RRP1B: variants seen among roughly 807,000 people sequenced by gnomAD.
RRP1B encodes the protein ribosomal RNA processing 1B.
A neutral mutation model predicts 80.2 loss-of-function variants in RRP1B; 56 were observed. The observed-to-expected ratio is 0.70, with a 90% CI of 0.56 to 0.87. The LOEUF (loss-of-function observed/expected upper bound fraction) is 0.87, where lower values mean the gene tolerates loss of function less well. RRP1B is among the 40% of genes least tolerant of loss of function. The pLI is 0.00. For synonymous variants in RRP1B, 351 were observed against 357.6 expected (o/e 0.98, Z 0.21); for missense variants, 807 against 939.8 (o/e 0.86, Z 1.85).
At chr21:43,674,068 G>A in intron 4 of RRP1B, 113 bp downstream of exon 4, 1 of 763,856 alleles carries the variant, frequency 1.3e-6, no homozygotes, top group Non-Finnish European at 2.1e-6. Flanking sequence ...GGCTTAGTGT[G>A]AAGGAAGAAT....
intron 2 of RRP1B, 51 bp from the exon 3 acceptor site, chr21:43,672,257 C>T (rs1384435119): frequency 6.4e-7 from 1 of 1,552,748 alleles, no homozygotes; most frequent in African/African-American, 1.4e-5. Flanking sequence ...ACAGGCATCT[C>T]ATGTTGCCCC....
intron 7 of RRP1B, 93 bp from the exon 8 acceptor site, chr21:43,676,640 C>T: frequency 1.7e-6 from 2 of 1,203,828 alleles, no homozygotes; most frequent in Non-Finnish European, 2.4e-6. Context: ...CAGACCACAG[C>T]AACGTGTGCA....
intron 4 of RRP1B, 26 bp from the exon 5 acceptor site, chr21:43,674,610 T>TTTA (rs765114988): frequency 1.4e-6 from 2 of 1,455,276 alleles, no homozygotes; most frequent in Non-Finnish European, 1.9e-6. Flanking sequence ...TTTTTTTTTT[T>TTTA]TTAAACAAAA....
chr21:43,688,350 G>C, intron 13 of RRP1B, 110 bp downstream of exon 13: 1 of 1,307,880 alleles, frequency 7.6e-7, no homozygotes, highest in South Asian at 1.5e-5. Flanking sequence ...CAGGCCTCTG[G>C]ACTCAGCAGC....
At chr21:43,680,114 T>C (rs2083037470) in intron 8 of RRP1B, among the ~76,000 whole-genome samples, 1 of 152,196 alleles carries the variant, frequency 6.6e-6, no homozygotes, top group Non-Finnish European at 1.5e-5. Context: ...GTTTTCTAGG[T>C]ATATGATTGT....
At chr21:43,685,652 A>T in intron 10 of RRP1B, 118 bp from the exon 11 acceptor site, 3 of 718,620 alleles carry the variant, frequency 4.2e-6, no homozygotes, top group Non-Finnish European at 4.0e-6. Flanking sequence ...ATTAACAACT[A>T]TTTAACTATG....
chr21:43,688,165 G>C lies in RRP1B; in HGVS notation c.1791G>C (p.Lys597Asn). 1.3e-6 allele frequency: 2 copies of C among 1,576,794 alleles called. No individual in the cohort carries two copies. Among genetic ancestry groups the C allele is most frequent in the African/African-American group, 1.3e-5 (1 of 74,294 alleles). The stretch of plus-strand genomic sequence containing the variant: ...AAACAGCAAGTTTGAAAAAGAGGAA[G>C]AAAATGAGAGTGATGTCAAACTTGG... ...SQKTASLKKRKKMRVMSNLVE... is the reference protein window; with the variant it reads ...SQKTASLKKRNKMRVMSNLVE... The change falls in exon 13 of 16, where the codon AAG becomes AAC. Residue 597 changes from lysine (K) to asparagine (N), a missense_variant. Lys to Asn is a moderately conservative substitution (Grantham distance 94, BLOSUM62 0). Coordinates refer to ENST00000340648, the MANE Select transcript of RRP1B (RefSeq NM_015056.3).
At chr21:43,670,751 G>A (rs1027723093) in intron 2 of RRP1B, among the ~76,000 whole-genome samples, 1 of 152,028 alleles carries the variant, frequency 6.6e-6, no homozygotes, top group African/African-American at 2.4e-5. Context: ...TTCTTCCAGT[G>A]TGACCCAGGG....
Position 43,669,968 on chromosome 21 carries a change from T to C in RRP1B, c.213+2T>C. 6.3e-7 allele frequency: 1 copy of C among 1,596,282 alleles called. No individual in the cohort carries two copies. Among genetic ancestry groups the C allele is most frequent in the Non-Finnish European group, 8.6e-7 (1 of 1,166,194 alleles). On this transcript the variant is annotated splice_donor_variant, in intron 2 of 15. Coordinates refer to ENST00000340648, the MANE Select transcript of RRP1B (RefSeq NM_015056.3). LOFTEE classifies it high-confidence loss of function. ...GTGCAGGATGAACCCCTTCTACAGG[T>C]AACATGCGTTCCCTTTGTCATGCTC... is the stretch of plus-strand genomic sequence containing the variant.
At chr21:43,683,094 A>T (rs1297974969) in intron 8 of RRP1B, among the ~76,000 whole-genome samples, 185 bp from the exon 9 acceptor site, 1 of 152,044 alleles carries the variant, frequency 6.6e-6, no homozygotes. Flanking sequence ...GCTGATCTAG[A>T]ATTCCTGGCC....
chr21:43,690,520 C>A, intron 14 of RRP1B, 80 bp downstream of exon 14: 1 of 1,506,336 alleles, frequency 6.6e-7, no homozygotes, highest in Non-Finnish European at 9.1e-7. Context: ...GCTTCCCATG[C>A]CGGGCCTGGA....
At chr21:43,675,784 G>T (rs1193229672) in intron 6 of RRP1B, among the ~76,000 whole-genome samples, 1 of 152,176 alleles carries the variant, frequency 6.6e-6, no homozygotes, top group Admixed American at 6.5e-5. Context: ...GCCCAGGGCA[G>T]CTTTGAATGT....
chr21:43,687,055 A>G (rs2083065975), intron 12 of RRP1B, 120 bp downstream of exon 12: 2 of 1,148,932 alleles, frequency 1.7e-6, no homozygotes, highest in Non-Finnish European at 1.2e-6. Flanking sequence ...CCAAAGCTTC[A>G]GTCTTTAATG....
rs73367900 is a variant in RRP1B, at chr21:43,671,661, G to A, written c.214-647G>A. Among the ~76,000 whole-genome samples, 1,206 of 149,334 alleles carry A rather than the reference G, an allele frequency of 8.1e-3. 12 individuals are homozygous for A. The highest frequency in any genetic ancestry group is 0.027 in the African/African-American group (1,088 of 40,524). On this transcript the variant is annotated intron_variant, in intron 2 of 15. Coordinates refer to ENST00000340648, the MANE Select transcript of RRP1B (RefSeq NM_015056.3). ...CGGGCTCCCATTACAGGCATGAGCTGCCCAGCCCAGCTTAGATGGGGGTTT... is the reference window on the plus strand; with the variant it reads ...CGGGCTCCCATTACAGGCATGAGCTACCCAGCCCAGCTTAGATGGGGGTTT...
intron 2 of RRP1B, among the ~76,000 whole-genome samples, chr21:43,671,777 C>A (rs1186859129): frequency 6.6e-6 from 1 of 152,024 alleles, no homozygotes; most frequent in African/African-American, 2.4e-5. Context: ...GCACCCTCTA[C>A]CTCCGAGTTC....
chr21:43,695,751 A>G lies in RRP1B; in HGVS notation c.*2368A>G, dbSNP rs1188485690. 2 of 152,224 alleles carry G rather than the reference A, an allele frequency of 1.3e-5. No homozygotes were observed. The highest frequency in any genetic ancestry group is 6.5e-5 in the Admixed American group (1 of 15,284). 9.4% of individuals were successfully genotyped at this position (152,224 alleles called of 1,614,324 possible). The stretch of plus-strand genomic sequence containing the variant: ...TTAAATTAATGCTGGTGATCTTAAC[A>G]ATATTTTGTAAAATGATGCTTCCCC... On this transcript the variant is annotated 3_prime_UTR_variant, in exon 16 of 16. Transcript: ENST00000340648.
intron 3 of RRP1B, among the ~76,000 whole-genome samples, chr21:43,672,977 G>A (rs2083005792): frequency 6.6e-6 from 1 of 152,060 alleles, no homozygotes; most frequent in Non-Finnish European, 1.5e-5. Flanking sequence ...GATGAAAAAA[G>A]AATTGTGCAA....
intron 8 of RRP1B, among the ~76,000 whole-genome samples, chr21:43,681,283 GATA>G (rs1348084786): frequency 1.3e-3 from 196 of 151,254 alleles, no homozygotes; most frequent in Non-Finnish European, 2.0e-3. Context: ...TAGATAGATA[GATA>G]GATAGATAGA....
At chr21:43,681,134 G>T (rs956887737) in intron 8 of RRP1B, among the ~76,000 whole-genome samples, 16 of 152,052 alleles carry the variant, frequency 1.1e-4, no homozygotes, top group Admixed American at 1.0e-3. Flanking sequence ...CCAGCTACTT[G>T]GGAGGCTGAG....
Sources: allele counts gnomAD v4.1 joint callset (sites outside exome capture counted in the v4.1 genomes callset), GRCh38; gene constraint gnomAD v4.1.1; transcripts MANE v1.5; gene names NCBI Gene and HGNC (gene_info 2026-07-23, HGNC 2026-07-21).